NUP214: variants seen among roughly 807,000 people sequenced by gnomAD.
The protein encoded by NUP214 is nucleoporin 214, also known as nuclear pore complex protein Nup214.
In NUP214, 79 loss-of-function variants were observed where a neutral mutation model predicts 196.2. The observed-to-expected ratio is 0.40, with a 90% CI of 0.34 to 0.49. The LOEUF is 0.49. Among genes scored for constraint, NUP214 ranks in the 20% least tolerant of loss-of-function variants. The pLI, the probability that NUP214 is intolerant of heterozygous loss-of-function variation, is 0.58. For missense variants in NUP214, 2,468 were observed against 2,539.0 expected (o/e 0.97, Z 0.60); for synonymous variants, 1,020 against 990.5 (o/e 1.03, Z -0.56).
intron 11 of NUP214, among the ~76,000 whole-genome samples, chr9:131,142,410 C>T (rs529186588): frequency 1.4e-4 from 21 of 152,338 alleles, no homozygotes; most frequent in Middle Eastern, 3.4e-3. Context: ...AGAGCCCCTG[C>T]GGGGAGAAAG....
chr9:131,184,026 C>CTTTTTTTTTTT (rs776765956), intron 24 of NUP214, among the ~76,000 whole-genome samples: 14 of 104,358 alleles, frequency 1.3e-4, no homozygotes, highest in East Asian at 2.7e-4. Context: ...TTTTCTTTTT[C>CTTTTTTTTTTT]TTTTTTTTTT....
chr9:131,197,918 G>A lies in NUP214; in HGVS notation c.4424G>A (p.Ser1475Asn). The change falls in exon 29 of 36, where the codon AGC (serine) becomes AAC (asparagine). Residue 1475 changes from serine to asparagine, a missense_variant. Transcript: ENST00000359428. ...PTSFPTLSFG[S>N]LLSSATTPSL... ...TCATTCCCCACATTGTCATTTGGTA[G>A]CCTCCTGAGTTCAGCAACTACCCCC... 6.2e-7 allele frequency: 1 copy of A among 1,614,076 alleles called. No individual in the cohort carries two copies. The highest frequency in any genetic ancestry group is 1.7e-5 in the Admixed American group (1 of 60,018).
chr9:131,195,385 C>G (rs1833745277), intron 28 of NUP214, 91 bp downstream of exon 28: 8 of 1,020,568 alleles, frequency 7.8e-6, no homozygotes, highest in Non-Finnish European at 1.1e-5. Flanking sequence ...TTGACTTGTT[C>G]CTGAATCTTA....
intron 21 of NUP214, among the ~76,000 whole-genome samples, chr9:131,171,472 A>G (rs1832954166): frequency 6.6e-6 from 1 of 151,962 alleles, no homozygotes; most frequent in Admixed American, 6.5e-5. Context: ...TTAGTTTCCT[A>G]TGGATGCCGT....
At chr9:131,187,676 C>T (rs1162450011) in intron 25 of NUP214, among the ~76,000 whole-genome samples, 2 of 152,272 alleles carry the variant, frequency 1.3e-5, no homozygotes, top group Non-Finnish European at 2.9e-5. Context: ...TGTGAGCCAC[C>T]GTACCCGGCC....
At position 131,198,817 on chromosome 9, in the gene NUP214, G is replaced by A. The variant is rs764543921; in HGVS notation, c.5323G>A (p.Ala1775Thr). 33 of 1,614,056 alleles carry A rather than the reference G, an allele frequency of 2.0e-5. No homozygotes were observed. The highest frequency in any genetic ancestry group is 1.2e-4 in the Admixed American group (7 of 60,006). Residue 1775 changes from alanine (A) to threonine (T), a missense_variant, in exon 29 of 36, where the codon GCC becomes ACC. Ala to Thr is a moderately conservative substitution (Grantham distance 58, BLOSUM62 0). Around this residue, in one of 5 missense-constraint regions of NUP214, gnomAD observed 1,801 missense variants for 1,779.4 expected, o/e 1.01. Transcript: ENST00000359428. ...CACCAGTGGAAGTGTCTTTGGTGCC[G>A]CCTCAAGTACCAGTAGCTCCAGTTC... ...TSTSGSVFGA[A>T]SSTSSSSSFS...
At chr9:131,223,723 A>ATTTTTTTTTTTT (rs1222974193) in intron 32 of NUP214, among the ~76,000 whole-genome samples, 2 of 18,978 alleles carry the variant, frequency 1.1e-4, no homozygotes, top group African/African-American at 2.6e-4. Context: ...TTATTTATTT[A>ATTTTTTTTTTTT]TTTATTTTTT....
rs771530224 is a variant in NUP214 at position 131,198,254 on chromosome 9, C to G, written c.4760C>G (p.Ser1587Cys). The change falls in exon 29 of 36, where the codon TCC (serine) becomes TGC (cysteine). Residue 1587 changes from serine to cysteine, a missense_variant. Physicochemically the swap from Ser to Cys is moderately radical, Grantham distance 112. Around this residue, in one of 5 missense-constraint regions of NUP214, gnomAD observed 1,801 missense variants for 1,779.4 expected, o/e 1.01. Transcript: ENST00000359428. ...ACGGAGGCAGTACCACCTGCTTCCTCCTTTTCTGTGCCTGGGCAGACTGCT... is the reference window on the plus strand; with the variant it reads ...ACGGAGGCAGTACCACCTGCTTCCTGCTTTTCTGTGCCTGGGCAGACTGCT... ...ARTEAVPPAS[S>C]FSVPGQTAVT... 7 of 1,614,104 alleles carry G rather than the reference C, an allele frequency of 4.3e-6. No homozygotes were observed. Among genetic ancestry groups the G allele is most frequent in the Non-Finnish European group, 5.1e-6 (6 of 1,180,046 alleles).
Position 131,192,460 on chromosome 9 carries a change from A to G in NUP214, c.3659+168A>G, listed in dbSNP as rs1236200744. The G allele has an allele frequency of 2.2e-5, 10 of 450,712 alleles. No individual in the cohort carries two copies. In the Admixed American group the frequency reaches 2.5e-4, roughly 11 times the overall value. 27.9% of individuals were successfully genotyped at this position (450,712 alleles called of 1,614,324 possible). On this transcript the variant is annotated intron_variant, in intron 27 of 35. Transcript: ENST00000359428. The stretch of plus-strand genomic sequence containing the variant: ...GCAATAGTTTAATGTTCTCATGTAA[A>G]TCGATTTTCCCTTTGCAATTCAAGT...
Position 131,140,652 on chromosome 9 carries a change from T to G in NUP214, c.1236T>G (p.Ser412=). The change falls in exon 11 of 36, where the codon TCT becomes TCG. Residue 412 remains serine (S), a synonymous_variant. Transcript: ENST00000359428. Reference sequence around the variant, plus strand: ...TTAATCAAAATCCTGGGGTTAAGTCTCTCATCAAAACACCAGAGCGACTTT... The same window carrying G: ...TTAATCAAAATCCTGGGGTTAAGTCGCTCATCAAAACACCAGAGCGACTTT... The part of the protein sequence containing the change: ...YMINQNPGVK[S]LIKTPERLSL... The G allele has an allele frequency of 1.2e-6, 2 of 1,614,118 alleles. No individual in the cohort carries two copies. The highest frequency in any genetic ancestry group is 8.5e-7 in the Non-Finnish European group (1 of 1,179,980).
At position 131,198,203 on chromosome 9, in the gene NUP214, C is replaced by T; in HGVS notation, c.4709C>T (p.Ala1570Val). The T allele has an allele frequency of 6.2e-7, 1 of 1,614,230 alleles. No individual in the cohort carries two copies. The highest frequency in any genetic ancestry group is 2.2e-5 in the East Asian group (1 of 44,888). ...GCACTTTCTGCAGAGGCTACCCCAG[C>T]CACCACGGGGGTCCCTGATGCCAGG... ...LVALSAEATP[A>V]TTGVPDARTE... Residue 1570 changes from alanine to valine, a missense_variant, in exon 29 of 36, where the codon GCC becomes GTC. This residue lies in a region of NUP214 where 1,801 missense variants were observed against 1,779.4 expected (regional missense o/e 1.01). Transcript: ENST00000359428.
Position 131,129,269 on chromosome 9 carries a change from G to A in NUP214, c.394-10G>A, listed in dbSNP as rs1156275272. ...TAACTTATTTCACTTTTGCATATTT[G>A]TTTTAAAAGGCTAAACAGCAAAAAC... On this transcript the variant is annotated splice_polypyrimidine_tract_variant and intron_variant, in intron 3 of 35. Coordinates refer to ENST00000359428, the MANE Select transcript of NUP214 (RefSeq NM_005085.4). 7.4e-6 allele frequency: 12 copies of A among 1,611,554 alleles called. No individual in the cohort carries two copies. Among genetic ancestry groups the A allele is most frequent in the Non-Finnish European group, 9.3e-6 (11 of 1,178,474 alleles).
chr9:131,147,008 G>A (rs939552826), intron 13 of NUP214, among the ~76,000 whole-genome samples: 3 of 151,746 alleles, frequency 2.0e-5, no homozygotes, highest in South Asian at 4.2e-4. Flanking sequence ...ACTGTAAACA[G>A]GAAGTTTTGT....
At position 131,198,896 on chromosome 9, in the gene NUP214, G is replaced by C; in HGVS notation, c.5402G>C (p.Ser1801Thr). Residue 1801 changes from serine (S) to threonine (T), a missense_variant, in exon 29 of 36, where the codon AGC (serine) becomes ACC (threonine). Physicochemically the swap from Ser to Thr is moderately conservative, Grantham distance 58 (BLOSUM62 1). Transcript: ENST00000359428. ...ACAGGAGGGGGGCTGTTTGGCCAAAGCAACGCTCCTGCTTTTGGGCAGAGT... is the reference window on the plus strand; with the variant it reads ...ACAGGAGGGGGGCTGTTTGGCCAAACCAACGCTCCTGCTTTTGGGCAGAGT... Reference protein sequence around the residue: ...PNTGGGLFGQSNAPAFGQSPG... With the variant: ...PNTGGGLFGQTNAPAFGQSPG... 1.2e-6 allele frequency: 2 copies of C among 1,614,200 alleles called. No homozygotes were observed. Among genetic ancestry groups the C allele is most frequent in the Non-Finnish European group, 1.7e-6 (2 of 1,180,038 alleles).
chr9:131,201,844 C>CTGTACTCCCT, intron 30 of NUP214, 127 bp downstream of exon 30: 8 of 781,618 alleles, frequency 1.0e-5, no homozygotes, highest in Non-Finnish European at 1.7e-5. Context: ...GGTTCTTAAG[C>CTGTACTCCCT]TGTACTCCCT....
intron 31 of NUP214, among the ~76,000 whole-genome samples, chr9:131,221,846 A>C (rs1337228007): frequency 1.0e-4 from 15 of 144,476 alleles, no homozygotes; most frequent in African/African-American, 1.0e-4. Context: ...ACCAACGCCC[A>C]CCCCCCCCAA....
intron 6 of NUP214, 125 bp from the exon 7 acceptor site, chr9:131,132,981 A>G: frequency 1.3e-6 from 1 of 751,524 alleles, no homozygotes; most frequent in South Asian, 1.6e-5. Flanking sequence ...CATTATATTT[A>G]GTCAATGAAA....
chr9:131,133,998 A>T (rs1248860361), intron 7 of NUP214, among the ~76,000 whole-genome samples: 2 of 152,120 alleles, frequency 1.3e-5, no homozygotes, highest in Non-Finnish European at 2.9e-5. Context: ...CCAGGCTGGC[A>T]TGTAGTGGTG....
chr9:131,165,765 C>G (rs984429439), intron 21 of NUP214, among the ~76,000 whole-genome samples: 1 of 152,212 alleles, frequency 6.6e-6, no homozygotes, highest in Non-Finnish European at 1.5e-5. Context: ...TCTGTCTATA[C>G]AATGGAATAT....
Sources: allele counts gnomAD v4.1 joint callset (sites outside exome capture counted in the v4.1 genomes callset), GRCh38; gene constraint gnomAD v4.1.1; regional missense constraint gnomAD v4.1.1; transcripts MANE v1.5; gene names NCBI Gene and HGNC (gene_info 2026-07-23, HGNC 2026-07-21).